DEPTOR: variants seen among roughly 807,000 people sequenced by gnomAD.
The protein encoded by DEPTOR is DEP domain-containing mTOR-interacting protein.
Under a neutral mutation model 41.6 loss-of-function variants are expected in DEPTOR, and 41 were observed. That is an observed-to-expected ratio of 0.98 (90% CI 0.77 to 1.28). The LOEUF is 1.28. DEPTOR is among the 50% of genes most tolerant of loss of function. The probability of loss-of-function intolerance (pLI) is 0.00; values close to 1 mark genes in which losing one functional copy is unlikely to be tolerated. For missense variants in DEPTOR, 514 were observed against 527.9 expected, an observed-to-expected ratio of 0.97 and a Z score of 0.26; for synonymous variants, 195 against 192.3, an observed-to-expected ratio of 1.01 and a Z score of -0.12.
At chr8:119,981,311 T>C (rs1353413666) in intron 4 of DEPTOR, among the ~76,000 whole-genome samples, 1 of 152,226 alleles carries the variant, frequency 6.6e-6, no homozygotes, top group African/African-American at 2.4e-5. Flanking sequence ...TTTTCTACTT[T>C]TTCTTTCCAC....
intron 8 of DEPTOR, among the ~76,000 whole-genome samples, chr8:120,021,058 C>CAAAATAAAATAAAATAAAATAAAAT (rs147729205): frequency 0.34 from 40,536 of 119,548 alleles, 8,435 homozygotes; most frequent in Admixed American, 0.45. Context: ...GACTCTGTCT[C>CAAAATAAAATAAAATAAAATAAAAT]AAAATAAAAT....
intron 1 of DEPTOR, among the ~76,000 whole-genome samples, chr8:119,894,819 A>C (rs1586602825): frequency 6.6e-6 from 1 of 152,336 alleles, no homozygotes; most frequent in East Asian, 1.9e-4. Context: ...TATAGTATGT[A>C]ACAAAGACAA....
intron 1 of DEPTOR, among the ~76,000 whole-genome samples, chr8:119,921,101 A>T (rs2017310): frequency 6.6e-6 from 1 of 151,602 alleles, no homozygotes; most frequent in African/African-American, 2.4e-5. Flanking sequence ...CTCAGCCGGC[A>T]TAGTAGCTGG....
chr8:119,935,684 G>A (rs1828102406), intron 3 of DEPTOR, among the ~76,000 whole-genome samples: 1 of 149,878 alleles, frequency 6.7e-6, no homozygotes, highest in Admixed American at 6.7e-5. Context: ...TCGCACCACT[G>A]CACTCTAGCC....
At chr8:119,908,277 C>T (rs1261265853) in intron 1 of DEPTOR, among the ~76,000 whole-genome samples, 2 of 152,056 alleles carry the variant, frequency 1.3e-5, no homozygotes, top group Admixed American at 6.6e-5. Flanking sequence ...TCAGTATCCC[C>T]TCTAATATAC....
chr8:119,931,643 G>A (rs1828044782), intron 3 of DEPTOR, among the ~76,000 whole-genome samples: 1 of 152,072 alleles, frequency 6.6e-6, no homozygotes, highest in Non-Finnish European at 1.5e-5. Flanking sequence ...GTCCTAATTT[G>A]TACTCAGTCT....
intron 8 of DEPTOR, among the ~76,000 whole-genome samples, chr8:120,023,071 C>A (rs1304812731): frequency 6.6e-6 from 1 of 152,142 alleles, no homozygotes; most frequent in Non-Finnish European, 1.5e-5. Context: ...CAGGAGCCAG[C>A]ATGGTGAGGT....
chr8:119,884,570 CT>C (rs71304915), intron 1 of DEPTOR, among the ~76,000 whole-genome samples: 73,529 of 143,920 alleles, frequency 0.51, 19,595 homozygotes, highest in East Asian at 0.92. Flanking sequence ...AAAGGATTGG[CT>C]TTTTTTTTTT....
At chr8:119,950,015 A>C (rs1392832644) in intron 3 of DEPTOR, among the ~76,000 whole-genome samples, 1 of 152,120 alleles carries the variant, frequency 6.6e-6, no homozygotes, top group Non-Finnish European at 1.5e-5. Flanking sequence ...TAGCTTTTAC[A>C]TTTAGCTTTT....
chr8:119,904,789 C>T (rs916722950), intron 1 of DEPTOR, among the ~76,000 whole-genome samples: 1 of 151,742 alleles, frequency 6.6e-6, no homozygotes, highest in African/African-American at 2.4e-5. Flanking sequence ...AGCCATTTTG[C>T]ACCCCGCCTT....
At chr8:119,904,227 C>T (rs1273362599) in intron 1 of DEPTOR, among the ~76,000 whole-genome samples, 2 of 151,870 alleles carry the variant, frequency 1.3e-5, no homozygotes, top group Non-Finnish European at 2.9e-5. Flanking sequence ...AAGCAGTTCT[C>T]ATGTCTCAGC....
At chr8:120,000,381 A>T (rs1296040191) in intron 4 of DEPTOR, among the ~76,000 whole-genome samples, 1 of 152,104 alleles carries the variant, frequency 6.6e-6, no homozygotes. Flanking sequence ...TGGACATTCC[A>T]TATGAATGGA....
chr8:119,900,187 G>A (rs1164569421), intron 1 of DEPTOR, among the ~76,000 whole-genome samples: 1 of 151,358 alleles, frequency 6.6e-6, no homozygotes, highest in African/African-American at 2.4e-5. Flanking sequence ...AGGCGTGGTG[G>A]CGCACACCTG....
At chr8:119,994,822 C>T (rs6469881) in intron 4 of DEPTOR, among the ~76,000 whole-genome samples, 18,997 of 149,874 alleles carry the variant, frequency 0.13, 1,660 homozygotes, top group African/African-American at 0.25. Flanking sequence ...GAGGCTGAGG[C>T]AGGAGAATTG....
chr8:120,016,283 A>G (rs753434095), intron 8 of DEPTOR, among the ~76,000 whole-genome samples: 3 of 151,752 alleles, frequency 2.0e-5, no homozygotes, highest in African/African-American at 7.3e-5. Flanking sequence ...TTAGAATTTC[A>G]ATGTATGAAT....
chr8:120,032,244 A>T (rs1472901616), intron 8 of DEPTOR, among the ~76,000 whole-genome samples: 3 of 125,730 alleles, frequency 2.4e-5, no homozygotes, highest in Non-Finnish European at 4.7e-5. Flanking sequence ...TTTGAGACAA[A>T]GTCTTGCTCT....
chr8:119,931,601 C>T (rs1310729585), intron 3 of DEPTOR, among the ~76,000 whole-genome samples: 3 of 152,096 alleles, frequency 2.0e-5, no homozygotes, highest in Admixed American at 6.6e-5. Flanking sequence ...TTCTTGTCTC[C>T]GTTTCTTGAG....
In DEPTOR at chr8:120,014,951, A is replaced by G. The variant is rs61671477; in HGVS notation, c.1101+5818A>G. Among the ~76,000 whole-genome samples, 435 of 152,156 alleles carry G rather than the reference A, an allele frequency of 2.9e-3. 2 individuals carry two copies. The highest frequency in any genetic ancestry group is 0.01 in the African/African-American group (417 of 41,508). ...TCAAGTCTAAACCCATTTCTGGACA[A>G]TACTATCTATGATAACCTTATTTTA... On this transcript the variant is annotated intron_variant, in intron 8 of 8. Transcript: ENST00000286234.
intron 8 of DEPTOR, among the ~76,000 whole-genome samples, chr8:120,014,465 A>G (rs1457149477): frequency 2.6e-5 from 4 of 152,264 alleles, no homozygotes; most frequent in South Asian, 4.2e-4. Context: ...CAGGAGGAAA[A>G]AAATCTGTCT....
Sources: allele counts gnomAD v4.1 joint callset (sites outside exome capture counted in the v4.1 genomes callset), GRCh38; gene constraint gnomAD v4.1.1; transcripts MANE v1.5; gene names NCBI Gene and HGNC (gene_info 2026-07-23, HGNC 2026-07-21).